Variants in LOC101059915 observed in about 807,000 individuals in gnomAD.
chrX:71,669,132 C>T, the LOC101059915 span: 2 of 1,030,518 alleles, frequency 1.9e-6, no homozygotes, highest in Middle Eastern at 3.7e-4. Flanking sequence ...TCTCTTCCAG[C>T]ACACGCCTCT....
the LOC101059915 span, chrX:71,669,440 G>C: frequency 6.5e-6 from 4 of 613,485 alleles, no homozygotes; most frequent in Non-Finnish European, 8.9e-6. Context: ...TCTTGGGGTG[G>C]ACTGAGGGAG....
the LOC101059915 span, chrX:71,670,210 T>A: frequency 8.6e-7 from 1 of 1,162,035 alleles, no homozygotes; most frequent in Non-Finnish European, 1.1e-6. Context: ...CTACGCCCTT[T>A]CCACCTCACT....
At chrX:71,667,809 C>T in the LOC101059915 span, 15 of 1,063,581 alleles carry the variant, frequency 1.4e-5, no homozygotes, top group Non-Finnish European at 1.8e-5. Flanking sequence ...GCGCCATGAG[C>T]TCCACGGATG....
chrX:71,668,020 T>C, the LOC101059915 span: 15 of 1,164,446 alleles, frequency 1.3e-5, no homozygotes, highest in South Asian at 1.9e-5. Flanking sequence ...TGAGAGCGAA[T>C]TGATAGAGCA....
chrX:71,670,422 A>C, the LOC101059915 span: 3 of 1,146,938 alleles, frequency 2.6e-6, no homozygotes, highest in Admixed American at 7.9e-5. Flanking sequence ...GTGTCTCCCC[A>C]ATCCCCTCTG....
At chrX:71,668,316 A>G in the LOC101059915 span, 10 of 1,133,971 alleles carry the variant, frequency 8.8e-6, no homozygotes, top group Non-Finnish European at 1.2e-5. Flanking sequence ...TTCCTGGGCC[A>G]GGACCGGCCT....
the LOC101059915 span, chrX:71,669,512 C>T: frequency 1.1e-6 from 1 of 949,103 alleles, no homozygotes; most frequent in East Asian, 4.2e-5. Context: ...CATGTGTACT[C>T]ACCGCCCGTC....
chrX:71,668,847 T>C, the LOC101059915 span: 158 of 1,087,180 alleles, frequency 1.5e-4, no homozygotes, highest in South Asian at 6.1e-4. Context: ...GGCAGAGACT[T>C]TCAGCAGTTC....
the LOC101059915 span, chrX:71,670,723 G>T: frequency 9.1e-7 from 1 of 1,099,817 alleles, no homozygotes; most frequent in African/African-American, 1.9e-5. Context: ...CTGGTGGTGG[G>T]GGTGGACTGC....
the LOC101059915 span, chrX:71,667,874 C>G: frequency 9.0e-7 from 1 of 1,107,370 alleles, no homozygotes; most frequent in Non-Finnish European, 1.2e-6. Context: ...CAGGCCGGCG[C>G]CCACACCGCC....
At chrX:71,668,904 G>A in the LOC101059915 span, 8 of 1,123,313 alleles carry the variant, frequency 7.1e-6, no homozygotes, top group African/African-American at 5.5e-5. Flanking sequence ...TGGGGCTCCT[G>A]GGGAAGTCCG....
chrX:71,670,423 A>G, the LOC101059915 span: 730 of 1,143,408 alleles, frequency 6.4e-4, 12 homozygotes, highest in East Asian at 0.012. Flanking sequence ...TGTCTCCCCA[A>G]TCCCCTCTGC....
At chrX:71,670,439 A>G in the LOC101059915 span, 2 of 1,118,263 alleles carry the variant, frequency 1.8e-6, no homozygotes, top group African/African-American at 1.9e-5. Context: ...TCTGCCTACC[A>G]TACCCCATGC....
the LOC101059915 span, chrX:71,669,542 A>G: frequency 1.0e-6 from 1 of 957,591 alleles, no homozygotes; most frequent in East Asian, 4.1e-5. Context: ...AGCCTGACTC[A>G]GAAATTTCTG....
At chrX:71,670,095 A>G in the LOC101059915 span, among the ~76,000 whole-genome samples, 2 of 112,152 alleles carry the variant, frequency 1.8e-5, no homozygotes, top group African/African-American at 6.5e-5. Context: ...TGGGCTCACG[A>G]GGGAGAACAG....
the LOC101059915 span, chrX:71,670,420 C>T: frequency 4.4e-6 from 5 of 1,148,386 alleles, no homozygotes; most frequent in South Asian, 4.0e-5. Context: ...CGGTGTCTCC[C>T]CAATCCCCTC....
chrX:71,670,496 C>T, the LOC101059915 span: 1 of 1,072,913 alleles, frequency 9.3e-7, no homozygotes, highest in Non-Finnish European at 1.2e-6. Context: ...CAATCCACCT[C>T]ACCACTGGGC....
chrX:71,668,277 G>A, the LOC101059915 span: 3 of 1,130,981 alleles, frequency 2.7e-6, no homozygotes, highest in Non-Finnish European at 3.5e-6. Context: ...AATGGCAGCA[G>A]GCCTCTGCCG....
the LOC101059915 span, chrX:71,669,734 A>T: frequency 1.0e-6 from 1 of 973,606 alleles, no homozygotes; most frequent in African/African-American, 2.0e-5. Flanking sequence ...TGCGGGTTTG[A>T]TAGGGGTGGA....
Sources: allele counts gnomAD v4.1 joint callset (sites outside exome capture counted in the v4.1 genomes callset), GRCh38; gene constraint gnomAD v4.1.1; transcripts MANE v1.5.